The following UNC79 variants were observed in gnomAD, a reference collection of about 807,000 sequenced individuals.
The protein encoded by UNC79 is protein unc-79 homolog.
In UNC79, 37 loss-of-function variants were observed where a neutral mutation model predicts 283.1. That is an observed-to-expected ratio of 0.13 (90% CI 0.10 to 0.17). The LOEUF (loss-of-function observed/expected upper bound fraction) is 0.17, where lower values mean the gene tolerates loss of function less well. Ranked by LOEUF, UNC79 falls within the 10% of genes least tolerant of loss-of-function variation. The probability of loss-of-function intolerance (pLI) is 1.00; values close to 1 mark genes in which losing one functional copy is unlikely to be tolerated. For synonymous variants in UNC79, 1,107 were observed against 1,200.2 expected (o/e 0.92, Z 1.61); for missense variants, 2,272 against 3,211.1 (o/e 0.71, Z 7.07).
intron 4 of UNC79, among the ~76,000 whole-genome samples, chr14:93,481,762 A>C (rs1436680464): frequency 2.0e-5 from 3 of 152,224 alleles, no homozygotes; most frequent in African/African-American, 7.2e-5. Context: ...AAAAACAGTA[A>C]AAATGCAAAA....
intron 8 of UNC79, among the ~76,000 whole-genome samples, chr14:93,527,523 T>C (rs988561121): frequency 6.6e-6 from 1 of 152,222 alleles, no homozygotes; most frequent in Non-Finnish European, 1.5e-5. Context: ...AGTTTACAAA[T>C]GTTGACGGTA....
At chr14:93,635,916 T>C (rs2068472278) in intron 31 of UNC79, among the ~76,000 whole-genome samples, 2 of 152,210 alleles carry the variant, frequency 1.3e-5, no homozygotes, top group South Asian at 4.1e-4. Context: ...TTCTTCTTTA[T>C]GGAGATGAAG....
intron 14 of UNC79, among the ~76,000 whole-genome samples, chr14:93,561,112 T>C (rs892002030): frequency 6.6e-6 from 1 of 152,164 alleles, no homozygotes; most frequent in African/African-American, 2.4e-5. Flanking sequence ...CCAGTATTGA[T>C]AGAAGGCTTA....
At chr14:93,659,812 T>G (rs2071344719) in intron 39 of UNC79, among the ~76,000 whole-genome samples, 1 of 152,246 alleles carries the variant, frequency 6.6e-6, no homozygotes, top group Admixed American at 6.5e-5. Context: ...CTTATTTAAT[T>G]TCATACTTCC....
intron 1 of UNC79, among the ~76,000 whole-genome samples, chr14:93,385,777 C>A (rs8020113): frequency 0.7 from 100,288 of 143,208 alleles, 34,156 homozygotes; most frequent in African/African-American, 0.76. Context: ...AGACTGTCCC[C>A]AAAAAAAAAA....
chr14:93,504,102 G>A (rs939529224), intron 7 of UNC79, among the ~76,000 whole-genome samples: 1 of 151,856 alleles, frequency 6.6e-6, no homozygotes, highest in Non-Finnish European at 1.5e-5. Flanking sequence ...TGGATTCTTA[G>A]TTCAACTGGT....
At chr14:93,643,825 C>A in intron 34 of UNC79, 128 bp downstream of exon 37, 2 of 1,371,568 alleles carry the variant, frequency 1.5e-6, no homozygotes, top group Non-Finnish European at 2.0e-6. Flanking sequence ...GTGACATCAA[C>A]TCAGACTAGT....
At chr14:93,480,748 T>C (rs1411675440) in intron 4 of UNC79, among the ~76,000 whole-genome samples, 2 of 152,178 alleles carry the variant, frequency 1.3e-5, no homozygotes, top group African/African-American at 4.8e-5. Flanking sequence ...TCATGTTTTT[T>C]CTATTTTTTT....
At chr14:93,525,559 G>A (rs1353271293) in intron 8 of UNC79, among the ~76,000 whole-genome samples, 1 of 152,148 alleles carries the variant, frequency 6.6e-6, no homozygotes, top group Admixed American at 6.5e-5. Context: ...GGGTTCAGAG[G>A]TGCTCTTCTT....
At chr14:93,369,407 A>G in intron 1 of UNC79, among the ~76,000 whole-genome samples, 1 of 152,222 alleles carries the variant, frequency 6.6e-6, no homozygotes, top group East Asian at 1.9e-4. Context: ...ACAACAAGTA[A>G]AAAGCTGAAC....
At chr14:93,348,903 A>G (rs1354110570) in intron 1 of UNC79, among the ~76,000 whole-genome samples, 1 of 152,254 alleles carries the variant, frequency 6.6e-6, no homozygotes, top group Admixed American at 6.5e-5. Flanking sequence ...CTGAAACAAT[A>G]GTCAATAAAT....
intron 20 of UNC79, among the ~76,000 whole-genome samples, chr14:93,583,638 G>A (rs543500360): frequency 6.6e-6 from 1 of 152,180 alleles, no homozygotes; most frequent in African/African-American, 2.4e-5. Flanking sequence ...ACTGGTTTTC[G>A]GTGTGCACTT....
rs765558429 is a variant in UNC79, at chr14:93,474,232, G to A, written c.287G>A (p.Arg96His). Residue 96 changes from arginine to histidine, a missense_variant, in exon 3 of 49, where the codon CGC (arginine) becomes CAC (histidine). Transcript: ENST00000555664. The surrounding 1 kb of genome is among the most constrained non-coding windows in gnomAD (Gnocchi z 4.1). ...AGTTCCATCAACCCTACTGTTACTC[G>A]CTCCCTCCTTTACAGCGTCCTGCGA... The A allele has an allele frequency of 6.6e-5, 102 of 1,535,788 alleles. No homozygotes were observed. The highest frequency in any genetic ancestry group is 7.6e-5 in the Non-Finnish European group (87 of 1,146,856).
intron 1 of UNC79, among the ~76,000 whole-genome samples, chr14:93,392,175 T>G (rs554188793): frequency 6.6e-6 from 1 of 152,166 alleles, no homozygotes; most frequent in Non-Finnish European, 1.5e-5. Flanking sequence ...TTGAACTAAC[T>G]CAAATGTGTG....
At chr14:93,385,478 CAT>C (rs2054751875) in intron 1 of UNC79, among the ~76,000 whole-genome samples, 1 of 151,964 alleles carries the variant, frequency 6.6e-6, no homozygotes. Context: ...TCACTATTGA[CAT>C]ATAAAAATGC....
exon 5 of UNC79, chr14:93,487,668 T>C (rs1252000710): frequency 4.3e-6 from 7 of 1,613,514 alleles, no homozygotes; most frequent in Non-Finnish European, 2.5e-6. Context: ...TGCAGTGGGC[T>C]CCTCAAGGAG....
chr14:93,528,693 A>G, intron 9 of UNC79, 47 bp downstream of exon 9: 1 of 1,556,484 alleles, frequency 6.4e-7, no homozygotes, highest in East Asian at 2.2e-5. Flanking sequence ...CAACAATAAG[A>G]AGATAAGAAA....
intron 14 of UNC79, among the ~76,000 whole-genome samples, chr14:93,550,437 C>T (rs761801343): frequency 3.7e-4 from 54 of 146,538 alleles, no homozygotes; most frequent in Middle Eastern, 7.4e-3. Context: ...ATTGCTTGAA[C>T]TCGGGAGGCG....
chr14:93,379,888 A>G (rs1403004481), intron 1 of UNC79, among the ~76,000 whole-genome samples: 1 of 152,160 alleles, frequency 6.6e-6, no homozygotes, highest in Non-Finnish European at 1.5e-5. Context: ...AATTTGCAAG[A>G]TATTAGACTT....
Sources: allele counts gnomAD v4.1 joint callset (sites outside exome capture counted in the v4.1 genomes callset), GRCh38; gene constraint gnomAD v4.1.1; non-coding constraint Gnocchi (gnomAD v3.1); transcripts MANE v1.5; gene names NCBI Gene and HGNC (gene_info 2026-07-23, HGNC 2026-07-21).